The following CCSER1 variants were observed in gnomAD, a reference collection of about 807,000 sequenced individuals.
CCSER1 encodes serine-rich coiled-coil domain-containing protein 1.
In CCSER1, 41 loss-of-function variants were observed where a neutral mutation model predicts 82.0. The ratio of observed to expected loss-of-function variants is 0.50; its 90% confidence interval spans 0.39 to 0.65. The LOEUF (loss-of-function observed/expected upper bound fraction) is 0.65. Ranked by LOEUF, CCSER1 falls within the 30% of genes least tolerant of loss-of-function variation. The probability of loss-of-function intolerance (pLI) is 0.00; values close to 1 mark genes in which losing one functional copy is unlikely to be tolerated. For synonymous variants in CCSER1, 414 were observed against 383.9 expected, an observed-to-expected ratio of 1.08 and a Z score of -0.92; for missense variants, 1,119 against 1,064.2, an observed-to-expected ratio of 1.05 and a Z score of -0.72.
chr4:91,116,383 A>G (rs1289186838), intron 10 of CCSER1, among the ~76,000 whole-genome samples: 3 of 152,206 alleles, frequency 2.0e-5, no homozygotes, highest in African/African-American at 7.2e-5. Context: ...TAAAAGAGTA[A>G]CAGGAGAGCC....
intron 5 of CCSER1, among the ~76,000 whole-genome samples, chr4:90,545,600 T>C (rs10032834): frequency 0.16 from 24,254 of 151,932 alleles, 2,522 homozygotes; most frequent in East Asian, 0.44. Flanking sequence ...AATACACTTA[T>C]ATTTTTAGCC....
intron 10 of CCSER1, among the ~76,000 whole-genome samples, chr4:91,158,202 CAGTT>C (rs1581670184): frequency 6.6e-6 from 1 of 152,080 alleles, no homozygotes; most frequent in African/African-American, 2.4e-5. Context: ...GAATATCTCT[CAGTT>C]AGTATTAAAT....
At chr4:91,265,339 C>T (rs1371607069) in intron 10 of CCSER1, among the ~76,000 whole-genome samples, 2 of 151,974 alleles carry the variant, frequency 1.3e-5, no homozygotes, top group South Asian at 2.1e-4. Flanking sequence ...AAGTTAACAA[C>T]ATAAGGGTGT....
intron 6 of CCSER1, among the ~76,000 whole-genome samples, chr4:90,674,593 A>G (rs1733471620): frequency 6.6e-6 from 1 of 151,880 alleles, no homozygotes; most frequent in Non-Finnish European, 1.5e-5. Context: ...ATTAAAATTG[A>G]CCTTTAAAAA....
intron 8 of CCSER1, among the ~76,000 whole-genome samples, chr4:90,869,571 T>C (rs1402858169): frequency 6.6e-6 from 1 of 152,038 alleles, no homozygotes; most frequent in East Asian, 1.9e-4. Flanking sequence ...TGGCTTTTTT[T>C]TTCTGCCAGT....
intron 3 of CCSER1, among the ~76,000 whole-genome samples, chr4:90,379,524 T>G (rs1748883200): frequency 6.6e-6 from 1 of 152,076 alleles, no homozygotes; most frequent in African/African-American, 2.4e-5. Flanking sequence ...CTTTCCCACA[T>G]GATTAATGGT....
chr4:90,430,292 A>C (rs1329684998), intron 4 of CCSER1, among the ~76,000 whole-genome samples: 2 of 151,914 alleles, frequency 1.3e-5, no homozygotes, highest in Admixed American at 1.3e-4. Flanking sequence ...ACTAAGGAAT[A>C]ACATCTTTCC....
chr4:91,528,518 A>G (rs917423208), intron 10 of CCSER1, among the ~76,000 whole-genome samples: 1 of 152,166 alleles, frequency 6.6e-6, no homozygotes, highest in African/African-American at 2.4e-5. Context: ...GTTGCTATAC[A>G]TTTCCTCGGG....
intron 1 of CCSER1, among the ~76,000 whole-genome samples, chr4:90,242,272 A>C (rs28688076): frequency 2.0e-5 from 3 of 152,224 alleles, no homozygotes; most frequent in Admixed American, 1.3e-4. Context: ...GTGCCAGTGC[A>C]CTCTAGCCTG....
intron 10 of CCSER1, among the ~76,000 whole-genome samples, chr4:91,216,189 C>T (rs1737222499): frequency 6.6e-6 from 1 of 152,186 alleles, no homozygotes; most frequent in Admixed American, 6.5e-5. Flanking sequence ...AGAAGAACCT[C>T]CCATACCTGC....
At chr4:90,312,420 C>T (rs1478242457) in intron 2 of CCSER1, among the ~76,000 whole-genome samples, 1 of 152,096 alleles carries the variant, frequency 6.6e-6, no homozygotes, top group African/African-American at 2.4e-5. Context: ...GGTGATGGCC[C>T]TCACTTATGT....
At chr4:90,263,099 G>C (rs1003877492) in intron 1 of CCSER1, among the ~76,000 whole-genome samples, 1 of 152,170 alleles carries the variant, frequency 6.6e-6, no homozygotes, top group Admixed American at 6.5e-5. Context: ...ACTGAGCCCA[G>C]TGCTGCAATA....
rs78167554 is a variant in CCSER1, at chr4:91,418,357, G to A, written c.2218-180215G>A. ...CTCCAGATAGGCTAACCAAGAAAAA[G>A]AGTGAGACTCAAATAAATAAAATGT... On this transcript the variant is annotated intron_variant, in intron 10 of 10. Transcript: ENST00000509176. Among the ~76,000 whole-genome samples the A allele has an allele frequency of 8.3e-4, 82 of 98,830 alleles. No homozygotes were observed. In the East Asian group the frequency reaches 0.024, roughly 29 times the overall value. 64.8% of individuals were successfully genotyped at this position (98,830 alleles called of 152,430 possible).
intron 10 of CCSER1, among the ~76,000 whole-genome samples, chr4:91,286,458 A>C (rs1003395528): frequency 6.6e-6 from 1 of 151,830 alleles, no homozygotes; most frequent in African/African-American, 2.4e-5. Context: ...AAAATGATGC[A>C]TCATTTATTC....
intron 9 of CCSER1, among the ~76,000 whole-genome samples, chr4:91,050,823 A>G (rs1742945926): frequency 6.6e-6 from 1 of 152,198 alleles, no homozygotes; most frequent in Non-Finnish European, 1.5e-5. Flanking sequence ...AGCACAGATG[A>G]CTGTTACTCT....
intron 9 of CCSER1, among the ~76,000 whole-genome samples, chr4:91,067,060 G>A (rs995186843): frequency 6.6e-6 from 1 of 152,082 alleles, no homozygotes; most frequent in African/African-American, 2.4e-5. Context: ...AGCTATTTGG[G>A]AGGCTAAAGC....
At chr4:91,151,963 G>A (rs1730256858) in intron 10 of CCSER1, among the ~76,000 whole-genome samples, 1 of 152,212 alleles carries the variant, frequency 6.6e-6, no homozygotes, top group Non-Finnish European at 1.5e-5. Context: ...GATTTGGGAT[G>A]GAGAGTTCTG....
intron 10 of CCSER1, among the ~76,000 whole-genome samples, chr4:91,127,155 T>C (rs1259202705): frequency 6.6e-6 from 1 of 152,074 alleles, no homozygotes; most frequent in Non-Finnish European, 1.5e-5. Context: ...AGCTCTGTGC[T>C]TTAGAATTTG....
At chr4:90,691,632 A>G (rs567768421) in intron 6 of CCSER1, among the ~76,000 whole-genome samples, 1 of 151,740 alleles carries the variant, frequency 6.6e-6, no homozygotes, top group African/African-American at 2.4e-5. Flanking sequence ...GTGTATGTAT[A>G]TATATCACAT....
Sources: allele counts gnomAD v4.1 joint callset (sites outside exome capture counted in the v4.1 genomes callset), GRCh38; gene constraint gnomAD v4.1.1; transcripts MANE v1.5; gene names NCBI Gene and HGNC (gene_info 2026-07-23, HGNC 2026-07-21).